The following HARS1 variants were observed in gnomAD, a reference collection of about 807,000 sequenced individuals.
HARS1 encodes histidyl-tRNA synthetase 1.
Under a neutral mutation model 63.6 loss-of-function variants are expected in HARS1, and 45 were observed. The ratio of observed to expected loss-of-function variants is 0.71; its 90% CI spans 0.56 to 0.91. The LOEUF (loss-of-function observed/expected upper bound fraction) is 0.91. Among genes scored for constraint, HARS1 ranks in the 40% least tolerant of loss-of-function variants. The pLI is 0.00. For synonymous variants in HARS1, 205 were observed against 247.1 expected, an observed-to-expected ratio of 0.83 and a Z score of 1.60; for missense variants, 508 against 643.2, an observed-to-expected ratio of 0.79 and a Z score of 2.27.
intron 3 of HARS1, 76 bp downstream of exon 3, chr5:140,683,024 C>T (rs1294773391): frequency 3.8e-5 from 54 of 1,437,188 alleles, no homozygotes; most frequent in Non-Finnish European, 5.1e-5. Flanking sequence ...TGGACCCTCA[C>T]TCTCTTGTTG....
chr5:140,691,199 G>A lies in HARS1; in HGVS notation c.90+16C>T, dbSNP rs757866174. ...AGGCTTTGCCTTGGCCCTCTCCCCT[G>A]CTGCCTAAATCTCACCAGCTCGGCG... On this transcript the variant is annotated intron_variant, in intron 1 of 12. Transcript: ENST00000504156. 7 of 1,577,158 alleles carry A rather than the reference G, an allele frequency of 4.4e-6. No individual in the cohort carries two copies. The highest frequency in any genetic ancestry group is 1.3e-5 in the African/African-American group (1 of 74,344).
chr5:140,677,501 T>C, intron 7 of HARS1, 81 bp from the exon 8 acceptor site: 1 of 1,220,350 alleles, frequency 8.2e-7, no homozygotes, highest in South Asian at 1.2e-5. Context: ...CGGGGAACCG[T>C]TTTAGAGCAG....
chr5:140,690,920 G>T lies in HARS1; in HGVS notation c.115C>A (p.Leu39Met), dbSNP rs201729757. The T allele has an allele frequency of 6.2e-7, 1 of 1,609,164 alleles. No individual in the cohort carries two copies. The highest frequency in any genetic ancestry group is 1.3e-5 in the African/African-American group (1 of 74,832). ...ELIEEEVAKL[L>M]KLKAQLGPDE... ...GGACCCAGCTGTGCCTTCAGTTTCA[G>T]GAGTTTCGCCACCTCCTCCTCGATC... The change falls in exon 2 of 13, where the codon CTG (leucine) becomes ATG (methionine). Residue 39 changes from leucine to methionine, a missense_variant. Physicochemically the swap from Leu to Met is conservative, Grantham distance 15. This residue lies in a region of HARS1 where 105 missense variants were observed against 94.5 expected (regional missense o/e 1.11). Coordinates refer to ENST00000504156, the MANE Select transcript of HARS1 (RefSeq NM_002109.6).
At chr5:140,674,980 C>T in intron 11 of HARS1, 37 bp downstream of exon 11, 1 of 1,494,726 alleles carries the variant, frequency 6.7e-7, no homozygotes. Context: ...TCCAGCACAC[C>T]TAAGTTTGCT....
At chr5:140,674,888 C>T in intron 11 of HARS1, 63 bp from the exon 12 acceptor site, 1 of 1,586,200 alleles carries the variant, frequency 6.3e-7, no homozygotes, top group Non-Finnish European at 8.7e-7. Flanking sequence ...CAGAGGGTGT[C>T]CAAGCTGGCA....
intron 3 of HARS1, among the ~76,000 whole-genome samples, chr5:140,681,430 T>C (rs998943268): frequency 3.9e-5 from 6 of 151,988 alleles, no homozygotes; most frequent in Non-Finnish European, 7.4e-5. Context: ...TTTGGGAGGC[T>C]GGGGTGGGCG....
In HARS1 at chr5:140,690,837, CT is replaced by C; in HGVS notation, c.180+17del. On this transcript the variant is annotated intron_variant, in intron 2 of 12. Coordinates refer to ENST00000504156, the MANE Select transcript of HARS1 (RefSeq NM_002109.6). ...AGTTAGAGACTTTCTCAGTGGCTCC[CT>C]ACAGGAATGATATTACCTTGGGGGT... The C allele has an allele frequency of 7.1e-7, 1 of 1,409,274 alleles. No individual in the cohort carries two copies. 87.3% of individuals were successfully genotyped at this position (1,409,274 alleles called of 1,614,324 possible).
Position 140,675,023 on chromosome 5 carries a change from C to A in HARS1, c.1305G>T (p.Gly435=). ...TGGGGCTTGCCTCCCATACCTTGAT[C>A]CCAGCATCCCACAGTTCTGAGACAA... ...LKLVSELWDA[G]IKAELLYKKN... Residue 435 remains glycine (G), a synonymous_variant, in exon 11 of 13, where the codon GGG becomes GGT. Transcript: ENST00000504156. 2.5e-6 allele frequency: 4 copies of A among 1,606,310 alleles called. No homozygotes were observed. The highest frequency in any genetic ancestry group is 3.4e-6 in the Non-Finnish European group (4 of 1,172,974).
At chr5:140,680,935 A>C (rs1758693177) in intron 3 of HARS1, among the ~76,000 whole-genome samples, 1 of 152,076 alleles carries the variant, frequency 6.6e-6, no homozygotes, top group Non-Finnish European at 1.5e-5. Context: ...TTGATGATAA[A>C]CTACTAGGAA....
rs796859115 is a variant in HARS1 at position 140,688,358 on chromosome 5, CT to C, written c.180+2496del. On this transcript the variant is annotated intron_variant, in intron 2 of 12. Coordinates refer to ENST00000504156, the MANE Select transcript of HARS1 (RefSeq NM_002109.6). ...ACCCAGCTTCAACAACCATTAACAT[CT>C]GCTATTCTTATTTCATTTAAGCCCT... is the stretch of plus-strand genomic sequence containing the variant. Among the ~76,000 whole-genome samples, 156 of 152,198 alleles carry C rather than the reference CT, an allele frequency of 1.0e-3. 1 individual carries two copies. The highest frequency in any genetic ancestry group is 3.3e-3 in the African/African-American group (138 of 41,516).
At chr5:140,687,532 T>C (rs562944366) in intron 2 of HARS1, 35 of 151,014 alleles carry the variant, frequency 2.3e-4, no homozygotes, top group African/African-American at 6.8e-4. Context: ...GGCAACAGAG[T>C]GAGATTCTGT....
rs1399762430 is a variant in HARS1, at chr5:140,691,306, C to G, written c.-2G>C. The G allele has an allele frequency of 6.2e-7, 1 of 1,602,492 alleles. No homozygotes were observed. The highest frequency in any genetic ancestry group is 1.3e-5 in the African/African-American group (1 of 74,794). ...CTCCAGCGCCGCACGCTCTGCCATC[C>G]CGGCTGTCCACTTGAGCCGCCTGCT... On this transcript the variant is annotated 5_prime_UTR_variant, in exon 1 of 13. Transcript: ENST00000504156.
In HARS1 at chr5:140,691,278, C is replaced by G. The variant is rs1377613921; in HGVS notation, c.27G>C (p.Glu9Asp). The change falls in exon 1 of 13, where the codon GAG becomes GAC. Residue 9 changes from glutamate to aspartate, a missense_variant. By Grantham distance (45) the Glu-to-Asp change is conservative. Transcript: ENST00000504156. ...CGCGCTCTCCCTGAAGTTTCACCAG[C>G]TCCTCCAGCGCCGCACGCTCTGCCA... MAERAALE[E>D]LVKLQGERVR... 5 of 1,608,066 alleles carry G rather than the reference C, an allele frequency of 3.1e-6. No homozygotes were observed. The highest frequency in any genetic ancestry group is 3.4e-6 in the Non-Finnish European group (4 of 1,179,502).
rs529881374 is a variant in HARS1, at chr5:140,688,446, T to C, written c.180+2409A>G. 6.6e-4 allele frequency among the ~76,000 whole-genome samples: 100 copies of C among 152,268 alleles called. 1 individual carries two copies. The highest frequency in any genetic ancestry group is 1.1e-3 in the Non-Finnish European group (75 of 68,020). On this transcript the variant is annotated intron_variant, in intron 2 of 12. Coordinates refer to ENST00000504156, the MANE Select transcript of HARS1 (RefSeq NM_002109.6). ...GACGTCATATCATTTCATCCATAAA[T>C]ACTTCAGTATGAATCTCTAACTCAT...
At chr5:140,686,955 TG>T (rs1759075947) in intron 2 of HARS1, among the ~76,000 whole-genome samples, 1 of 152,266 alleles carries the variant, frequency 6.6e-6, no homozygotes, top group South Asian at 2.1e-4. Context: ...CTACAAGTAC[TG>T]TCAGATGTTT....
Position 140,674,798 on chromosome 5 carries a change from T to C in HARS1, c.1339A>G (p.Lys447Glu). 2 of 1,614,162 alleles carry C rather than the reference T, an allele frequency of 1.2e-6. No homozygotes were observed. Among genetic ancestry groups the C allele is most frequent in the Non-Finnish European group, 1.7e-6 (2 of 1,180,014 alleles). Reference sequence around the variant, plus strand: ...CAGTACTGTAACTGGTTCAGTAGCTTTGGGTTCTTCTTGTACAGCAGCTCA... The same window carrying C: ...CAGTACTGTAACTGGTTCAGTAGCTCTGGGTTCTTCTTGTACAGCAGCTCA... ...KAELLYKKNP[K>E]LLNQLQYCEE... Residue 447 changes from lysine (K) to glutamate (E), a missense_variant, in exon 12 of 13, where the codon AAG (lysine) becomes GAG (glutamate). Transcript: ENST00000504156.
At position 140,691,358 on chromosome 5, in the gene HARS1, C is replaced by T. The variant is rs1759431374; in HGVS notation, c.-54G>A. 7 of 1,381,800 alleles carry T rather than the reference C, an allele frequency of 5.1e-6. No homozygotes were observed. The allele number at this position is 1,381,800 out of a possible 1,614,324, so 85.6% of individuals were successfully genotyped here. A position where few individuals can be genotyped will look rare whatever the true frequency, so the allele number is the denominator to read the frequency against. ...TCTCGACCTGCGGTGGTTGCCCCAG[C>T]CTCAGCAAGGATGACTTCCGGCTAT... On this transcript the variant is annotated 5_prime_UTR_variant, in exon 1 of 13. Transcript: ENST00000504156.
At chr5:140,675,184 A>C (rs1410833150) in intron 10 of HARS1, 51 bp from the exon 11 acceptor site, 1 of 1,170,386 alleles carries the variant, frequency 8.5e-7, no homozygotes, top group Non-Finnish European at 1.3e-6. Context: ...TCAAGGAGCA[A>C]ACAAAGCAGG....
At chr5:140,674,540 G>GT in intron 12 of HARS1, 139 bp downstream of exon 12, 1 of 987,506 alleles carries the variant, frequency 1.0e-6, no homozygotes, top group Non-Finnish European at 1.6e-6. Flanking sequence ...TAAGACCACA[G>GT]TAACAGGTTA....
Sources: allele counts gnomAD v4.1 joint callset (sites outside exome capture counted in the v4.1 genomes callset), GRCh38; gene constraint gnomAD v4.1.1; regional missense constraint gnomAD v4.1.1; transcripts MANE v1.5; gene names NCBI Gene and HGNC (gene_info 2026-07-23, HGNC 2026-07-21).